Variants in TMEFF1 observed in about 807,000 individuals in gnomAD.
TMEFF1 encodes the protein tomoregulin-1.
In TMEFF1, 20 loss-of-function variants were observed where a neutral mutation model predicts 47.5. The ratio of observed to expected loss-of-function variants is 0.42; its 90% CI spans 0.30 to 0.61. TMEFF1 has a LOEUF of 0.61. Ranked by LOEUF, TMEFF1 falls within the 20% of genes least tolerant of loss-of-function variation. The pLI is 0.19. For missense variants in TMEFF1, 411 were observed against 471.1 expected, an observed-to-expected ratio of 0.87 and a Z score of 1.18; for synonymous variants, 162 against 166.3, an observed-to-expected ratio of 0.97 and a Z score of 0.20.
chr9:100,529,056 C>T (rs1173591278), intron 5 of TMEFF1, among the ~76,000 whole-genome samples: 1 of 149,660 alleles, frequency 6.7e-6, no homozygotes, highest in Non-Finnish European at 1.5e-5. Flanking sequence ...GATTTTGTCA[C>T]CACCAGGCCT....
At chr9:100,570,370 T>A (rs562152088) in intron 8 of TMEFF1, among the ~76,000 whole-genome samples, 38 of 152,216 alleles carry the variant, frequency 2.5e-4, no homozygotes, top group Non-Finnish European at 4.7e-4. Flanking sequence ...TTTTCCATAA[T>A]AACTGTATCT....
chr9:100,508,899 C>A, intron 2 of TMEFF1, 106 bp from the exon 3 acceptor site: 34 of 1,170,700 alleles, frequency 2.9e-5, no homozygotes, highest in Admixed American at 6.9e-5. Flanking sequence ...CCAGACTATT[C>A]AGTAGCGAAG....
Position 100,492,768 on chromosome 9 carries a change from A to G in TMEFF1, c.197-5997A>G, listed in dbSNP as rs192204360. Among the ~76,000 whole-genome samples the G allele has an allele frequency of 3.3e-4, 51 of 152,304 alleles. No individual in the cohort carries two copies. The East Asian group carries it at 9.4e-3, about 28-fold the overall frequency. On this transcript the variant is annotated intron_variant, in intron 1 of 9. Transcript: ENST00000374879. The stretch of plus-strand genomic sequence containing the variant: ...CAAGAAAAGGATTGGAGGATTTAAG[A>G]AAAAAGCCACTGGATCTGAGGTTGC...
intron 5 of TMEFF1, among the ~76,000 whole-genome samples, chr9:100,530,066 C>T (rs1466281301): frequency 6.6e-6 from 1 of 151,598 alleles, no homozygotes; most frequent in Non-Finnish European, 1.5e-5. Flanking sequence ...GCACAACATA[C>T]CAGAATCTCT....
At chr9:100,494,761 G>A (rs774204519) in intron 1 of TMEFF1, among the ~76,000 whole-genome samples, 1 of 152,158 alleles carries the variant, frequency 6.6e-6, no homozygotes, top group African/African-American at 2.4e-5. Context: ...ATAGATCCAA[G>A]GTAGGCAATT....
Position 100,576,870 on chromosome 9 carries a change from A to C in TMEFF1, c.*270A>C. 1 of 287,008 alleles carries C rather than the reference A, an allele frequency of 3.5e-6. No individual in the cohort carries two copies. The highest frequency in any genetic ancestry group is 6.5e-6 in the Non-Finnish European group (1 of 154,408). 17.8% of individuals were successfully genotyped at this position (287,008 alleles called of 1,614,324 possible). A position where few individuals can be genotyped will look rare whatever the true frequency, so the allele number is the denominator to read the frequency against. On this transcript the variant is annotated 3_prime_UTR_variant, in exon 10 of 10. Transcript: ENST00000374879. ...TACCCATGGAATGTAATATTTTTGC[A>C]AAGATGGACTACTTCACAAATGGTT...
At chr9:100,536,941 G>A (rs763643830) in intron 5 of TMEFF1, among the ~76,000 whole-genome samples, 16 of 152,194 alleles carry the variant, frequency 1.1e-4, no homozygotes, top group Admixed American at 2.6e-4. Context: ...GTTCTAGTCA[G>A]TGCATTTATT....
chr9:100,547,680 G>A (rs1838761231), intron 5 of TMEFF1, 64 bp from the exon 6 acceptor site: 3 of 1,373,500 alleles, frequency 2.2e-6, no homozygotes, highest in Middle Eastern at 5.5e-4. Context: ...GGTCTTTTTT[G>A]CTGTTGCAGC....
At chr9:100,557,783 A>T (rs1838942068) in intron 7 of TMEFF1, among the ~76,000 whole-genome samples, 1 of 145,202 alleles carries the variant, frequency 6.9e-6, no homozygotes, top group Non-Finnish European at 1.5e-5. Context: ...GTATATGCTG[A>T]TTTTCTAAAT....
At chr9:100,547,624 TAAAAC>T in intron 5 of TMEFF1, 115 bp from the exon 6 acceptor site, 2 of 1,223,992 alleles carry the variant, frequency 1.6e-6, no homozygotes, top group Non-Finnish European at 2.1e-6. Flanking sequence ...ATCAGTGACT[TAAAAC>T]AATATATTGA....
intron 7 of TMEFF1, among the ~76,000 whole-genome samples, chr9:100,560,010 G>T (rs1280480737): frequency 3.3e-5 from 5 of 151,610 alleles, no homozygotes; most frequent in Non-Finnish European, 2.9e-5. Context: ...TGGTTCTCAG[G>T]GTTTTTTTAC....
intron 9 of TMEFF1, among the ~76,000 whole-genome samples, chr9:100,573,380 G>A (rs572892611): frequency 7.2e-5 from 11 of 152,176 alleles, no homozygotes; most frequent in East Asian, 5.8e-4. Context: ...AAAATTATTC[G>A]TCATAAATTA....
At chr9:100,573,137 A>G (rs1447963310) in intron 9 of TMEFF1, among the ~76,000 whole-genome samples, 1 of 152,024 alleles carries the variant, frequency 6.6e-6, no homozygotes, top group Non-Finnish European at 1.5e-5. Context: ...CTGGCTCAGA[A>G]TTTCTAGAAT....
intron 2 of TMEFF1, among the ~76,000 whole-genome samples, chr9:100,507,428 AT>A (rs1156817774): frequency 6.6e-6 from 1 of 152,178 alleles, no homozygotes; most frequent in Non-Finnish European, 1.5e-5. Context: ...TCTTTGAGAA[AT>A]CTCCAAACTG....
chr9:100,505,732 A>T lies in TMEFF1; in HGVS notation c.307-3273A>T, dbSNP rs1238321599. On this transcript the variant is annotated intron_variant, in intron 2 of 9. Coordinates refer to ENST00000374879, the MANE Select transcript of TMEFF1 (RefSeq NM_003692.5). Reference sequence around the variant, plus strand: ...CCGTCTGTCAATGTGACAACCAAAAATGCCTCCACAGGGACAGCCACCCCT... The same window carrying T: ...CCGTCTGTCAATGTGACAACCAAAATTGCCTCCACAGGGACAGCCACCCCT... 2.0e-5 allele frequency among the ~76,000 whole-genome samples: 3 copies of T among 152,194 alleles called. No homozygotes were observed. The East Asian group carries it at 5.8e-4, about 29-fold the overall frequency.
chr9:100,496,113 A>G (rs1346423663), intron 1 of TMEFF1, among the ~76,000 whole-genome samples: 1 of 152,218 alleles, frequency 6.6e-6, no homozygotes, highest in Non-Finnish European at 1.5e-5. Context: ...AGTGAAAATC[A>G]TTCTTTAGTT....
At chr9:100,474,248 G>A (rs1837178477) in intron 1 of TMEFF1, among the ~76,000 whole-genome samples, 1 of 151,526 alleles carries the variant, frequency 6.6e-6, no homozygotes, top group Non-Finnish European at 1.5e-5. Context: ...GGCACTGGGG[G>A]TCTCGGGGGT....
intron 1 of TMEFF1, among the ~76,000 whole-genome samples, chr9:100,482,028 G>GCCT (rs1837346655): frequency 6.6e-6 from 1 of 152,004 alleles, no homozygotes; most frequent in Non-Finnish European, 1.5e-5. Context: ...GCCTGCCTTG[G>GCCT]CCTCCCAAAG....
At chr9:100,552,388 G>A (rs945825686) in intron 7 of TMEFF1, among the ~76,000 whole-genome samples, 1 of 152,312 alleles carries the variant, frequency 6.6e-6, no homozygotes, top group African/African-American at 2.4e-5. Context: ...TTCAAGCTCA[G>A]ATGACTTAGA....
Sources: gnomAD v4.1 joint callset for allele counts (sites outside exome capture counted in the v4.1 genomes callset) on GRCh38, gnomAD v4.1.1 for gene constraint, MANE v1.5 for transcripts, NCBI Gene and HGNC (gene_info 2026-07-23, HGNC 2026-07-21) for gene names.